Variants in EPB41L1 observed in about 807,000 individuals in gnomAD.
EPB41L1 encodes the protein band 4.1-like protein 1.
In EPB41L1, 29 loss-of-function variants were observed where a neutral mutation model predicts 97.8. The ratio of observed to expected loss-of-function variants is 0.30; its 90% CI spans 0.22 to 0.40. The LOEUF (loss-of-function observed/expected upper bound fraction) is 0.40, where lower values mean the gene tolerates loss of function less well. Ranked by LOEUF, EPB41L1 falls within the 10% of genes least tolerant of loss-of-function variation. The pLI is 1.00. For synonymous variants in EPB41L1, 383 were observed against 459.2 expected (o/e 0.83, Z 2.12); for missense variants, 812 against 1,162.3 (o/e 0.70, Z 4.38).
At chr20:36,214,120 G>GGATA (rs2063302582) in intron 16 of EPB41L1, among the ~76,000 whole-genome samples, 1 of 152,066 alleles carries the variant, frequency 6.6e-6, no homozygotes, top group Non-Finnish European at 1.5e-5. Context: ...TACACGCATT[G>GGATA]CAATTTGGAT....
In EPB41L1 at chr20:36,195,428, C is replaced by T; in HGVS notation, c.1485+64C>T. 6.3e-7 allele frequency: 1 copy of T among 1,578,116 alleles called. No homozygotes were observed. The highest frequency in any genetic ancestry group is 1.7e-4 in the Middle Eastern group (1 of 5,998). On this transcript the variant is annotated intron_variant, in intron 13 of 21. Transcript: ENST00000338074. The surrounding 1 kb of genome is among the most constrained non-coding windows in gnomAD (Gnocchi z 4.6). ...CCATCCCTAGCTCATTTGTCACCAT[C>T]CCACAGTCCATCCCAGGCTCACTTC... is the stretch of plus-strand genomic sequence containing the variant.
intron 2 of EPB41L1, among the ~76,000 whole-genome samples, chr20:36,129,770 T>C (rs2059119592): frequency 6.6e-6 from 1 of 152,148 alleles, no homozygotes; most frequent in South Asian, 2.1e-4. Flanking sequence ...TATTCATTTA[T>C]TTTAAAAATT....
intron 14 of EPB41L1, among the ~76,000 whole-genome samples, chr20:36,208,020 G>A (rs890612178): frequency 7.2e-5 from 11 of 152,186 alleles, no homozygotes; most frequent in African/African-American, 2.7e-4. Flanking sequence ...AGCTTTTGGT[G>A]TGACCTGGTG....
intron 14 of EPB41L1, among the ~76,000 whole-genome samples, chr20:36,201,247 G>C (rs2062479892): frequency 6.6e-6 from 1 of 152,216 alleles, no homozygotes; most frequent in Admixed American, 6.5e-5. Context: ...AGCCTGCATT[G>C]CCTTTGGCCT....
In EPB41L1 at chr20:36,209,764, G is replaced by C; in HGVS notation, c.1945G>C (p.Asp649His). The C allele has an allele frequency of 6.2e-7, 1 of 1,614,108 alleles. No individual in the cohort carries two copies. The highest frequency in any genetic ancestry group is 8.5e-7 in the Non-Finnish European group (1 of 1,180,036). Residue 649 changes from aspartate to histidine, a missense_variant, in exon 15 of 22, where the codon GAC (aspartate) becomes CAC (histidine). By Grantham distance (81) the Asp-to-His change is moderately conservative. This residue lies in a region of EPB41L1 where 498 missense variants were observed against 622.7 expected (regional missense o/e 0.80). Transcript: ENST00000338074. The surrounding 1 kb of genome is among the most constrained non-coding windows in gnomAD (Gnocchi z 4.2). ...SLPELDRDKS[D>H]SDTEGLLFSR... is the part of the protein sequence containing the mutation. ...GCCTGAGCTCGACCGGGACAAAAGC[G>C]ACTCGGACACTGAGGGCCTGCTGTT...
chr20:36,150,496 G>A (rs1278502323), upstream of EPB41L1: 1 of 151,558 alleles, frequency 6.6e-6, no homozygotes, highest in Non-Finnish European at 1.5e-5. Flanking sequence ...TACCATATTG[G>A]TTAGCACAGA....
chr20:36,099,725 T>G (rs952950741), intron 1 of EPB41L1, among the ~76,000 whole-genome samples: 1 of 152,122 alleles, frequency 6.6e-6, no homozygotes, highest in African/African-American at 2.4e-5. Flanking sequence ...GGAGAAAAAG[T>G]GACACCCGCA....
intron 2 of EPB41L1, among the ~76,000 whole-genome samples, chr20:36,142,837 T>G (rs1031703104): frequency 6.6e-6 from 1 of 152,170 alleles, no homozygotes; most frequent in Non-Finnish European, 1.5e-5. Context: ...GGCCTGGCAG[T>G]CTTGTCCCTG....
At position 36,187,783 on chromosome 20, in the gene EPB41L1, T is replaced by C. The variant is rs2061745443; in HGVS notation, c.873+20T>C. Reference sequence around the variant, plus strand: ...GCCAAGGTACCACCAGCTTCCTGGGTTCCCCTAGTGTCTGGGTGGTGCCCC... The same window carrying C: ...GCCAAGGTACCACCAGCTTCCTGGGCTCCCCTAGTGTCTGGGTGGTGCCCC... On this transcript the variant is annotated intron_variant, in intron 8 of 21. Coordinates refer to ENST00000338074, the MANE Select transcript of EPB41L1 (RefSeq NM_012156.2). 1 of 1,609,650 alleles carries C rather than the reference T, an allele frequency of 6.2e-7. No homozygotes were observed. The highest frequency in any genetic ancestry group is 1.3e-5 in the African/African-American group (1 of 74,836).
intron 6 of EPB41L1, among the ~76,000 whole-genome samples, chr20:36,182,563 A>G (rs1359247602): frequency 1.3e-5 from 2 of 152,220 alleles, no homozygotes; most frequent in Admixed American, 1.3e-4. Flanking sequence ...TTGATGTCAG[A>G]GGAGGAGGTA....
upstream of EPB41L1, chr20:36,151,284 G>A (rs144485943): frequency 8.5e-5 from 13 of 152,370 alleles, no homozygotes; most frequent in African/African-American, 2.9e-4. Flanking sequence ...CCTAGACAGA[G>A]CAGAGAGGGA....
intron 1 of EPB41L1, among the ~76,000 whole-genome samples, chr20:36,099,501 A>C (rs1218647499): frequency 6.6e-6 from 1 of 152,136 alleles, no homozygotes; most frequent in Non-Finnish European, 1.5e-5. Flanking sequence ...AATTATAATA[A>C]TAATCATCAT....
At chr20:36,095,813 C>T (rs933979305) in intron 1 of EPB41L1, among the ~76,000 whole-genome samples, 7 of 152,014 alleles carry the variant, frequency 4.6e-5, no homozygotes, top group African/African-American at 1.2e-4. Context: ...GGAGGCGAGG[C>T]GAATGGATCA....
intron 17 of EPB41L1, 86 bp from the exon 18 acceptor site, chr20:36,218,790 G>A (rs1373033801): frequency 1.9e-5 from 23 of 1,212,440 alleles, no homozygotes; most frequent in Non-Finnish European, 2.4e-5. Context: ...CCTTGTGGTC[G>A]TGATAGCTAC....
chr20:36,220,609 A>G (rs761095691), intron 19 of EPB41L1, among the ~76,000 whole-genome samples: 6 of 152,166 alleles, frequency 3.9e-5, no homozygotes, highest in Non-Finnish European at 7.4e-5. Context: ...GTCCACCAGG[A>G]TGTGTAGATA....
At chr20:36,174,193 T>A (rs1457393823) in intron 2 of EPB41L1, among the ~76,000 whole-genome samples, 1 of 151,930 alleles carries the variant, frequency 6.6e-6, no homozygotes, top group Non-Finnish European at 1.5e-5. Context: ...GCTCAAGCAA[T>A]CCTCCCGCCT....
At chr20:36,105,180 AG>A (rs1200963718) in intron 1 of EPB41L1, among the ~76,000 whole-genome samples, 4 of 152,214 alleles carry the variant, frequency 2.6e-5, no homozygotes, top group African/African-American at 9.6e-5. Context: ...GTATGAGAAC[AG>A]AACAGGCACC....
At chr20:36,171,088 G>A (rs1254446436) in intron 1 of EPB41L1, among the ~76,000 whole-genome samples, 2 of 151,904 alleles carry the variant, frequency 1.3e-5, no homozygotes, top group African/African-American at 2.4e-5. Context: ...GGGTCATGTG[G>A]ATTCTGCATC....
chr20:36,131,211 G>A, intron 2 of EPB41L1, among the ~76,000 whole-genome samples: 1 of 152,098 alleles, frequency 6.6e-6, no homozygotes, highest in East Asian at 1.9e-4. Context: ...CTGGCCTCTG[G>A]TGATCCGCCC....
Sources: allele counts gnomAD v4.1 joint callset (sites outside exome capture counted in the v4.1 genomes callset), GRCh38; gene constraint gnomAD v4.1.1; regional missense constraint gnomAD v4.1.1; non-coding constraint Gnocchi (gnomAD v3.1); transcripts MANE v1.5; gene names NCBI Gene and HGNC (gene_info 2026-07-23, HGNC 2026-07-21).